Variants in MAML1 observed in about 807,000 individuals in gnomAD.
MAML1 encodes mastermind like transcriptional coactivator 1, also known as mastermind-like protein 1.
A neutral mutation model predicts 77.1 loss-of-function variants in MAML1; 14 were observed. The ratio of observed to expected loss-of-function variants is 0.18; its 90% CI spans 0.12 to 0.28. MAML1 has a LOEUF of 0.28. Among genes scored for constraint, MAML1 ranks in the 10% least tolerant of loss-of-function variants. MAML1 has a pLI of 1.00. For missense variants in MAML1, 1,217 were observed against 1,327.8 expected (o/e 0.92, Z 1.30); for synonymous variants, 516 against 551.9 (o/e 0.93, Z 0.91).
chr5:179,758,877 C>T (rs1377598640), intron 1 of MAML1, among the ~76,000 whole-genome samples: 2 of 152,100 alleles, frequency 1.3e-5, no homozygotes, highest in East Asian at 3.9e-4. Flanking sequence ...GTGGCGCACG[C>T]CTGTCATCCC....
intron 1 of MAML1, among the ~76,000 whole-genome samples, chr5:179,734,175 A>G (rs1360849085): frequency 6.6e-6 from 1 of 152,248 alleles, no homozygotes; most frequent in African/African-American, 2.4e-5. Context: ...CAGATTTACA[A>G]AAGAGACAAG....
At position 179,765,665 on chromosome 5, in the gene MAML1, G is replaced by A; in HGVS notation, c.655G>A (p.Glu219Lys). ...GAGCCTGAATAAAGAACTGAAGCAG[G>A]AGCCTGTCGAAGACCTGCCTTGCAT... The part of the protein sequence containing the change: ...PLSLNKELKQ[E>K]PVEDLPCMIT... Residue 219 changes from glutamate (E) to lysine (K), a missense_variant, in exon 2 of 5, where the codon GAG (glutamate) becomes AAG (lysine). By Grantham distance (56) the Glu-to-Lys change is moderately conservative (BLOSUM62 1). Around this residue, in one of 3 missense-constraint regions of MAML1, gnomAD observed 312 missense variants for 331.4 expected, o/e 0.94. Transcript: ENST00000292599. 1 of 1,614,190 alleles carries A rather than the reference G, an allele frequency of 6.2e-7. No homozygotes were observed. The highest frequency in any genetic ancestry group is 8.5e-7 in the Non-Finnish European group (1 of 1,180,042).
chr5:179,742,286 T>G (rs1021228688), intron 1 of MAML1, among the ~76,000 whole-genome samples: 1 of 151,270 alleles, frequency 6.6e-6, no homozygotes, highest in African/African-American at 2.4e-5. Flanking sequence ...GTCAGGAGTT[T>G]GAGACCAGTC....
chr5:179,769,174 G>A lies in MAML1; in HGVS notation c.1971+85G>A. ...TGCTACAGTCACACCTTCTGCTTGTGCGTGTGGATTTGCGCAGACTTGCGT... is the reference window on the plus strand; with the variant it reads ...TGCTACAGTCACACCTTCTGCTTGTACGTGTGGATTTGCGCAGACTTGCGT... On this transcript the variant is annotated intron_variant, in intron 3 of 4. Transcript: ENST00000292599. The surrounding 1 kb of genome is among the most constrained non-coding windows in gnomAD (Gnocchi z 4.2). 6.4e-7 allele frequency: 1 copy of A among 1,565,362 alleles called. No individual in the cohort carries two copies. The highest frequency in any genetic ancestry group is 8.7e-7 in the Non-Finnish European group (1 of 1,152,204).
chr5:179,761,952 G>A (rs920931108), intron 1 of MAML1, among the ~76,000 whole-genome samples: 2 of 152,184 alleles, frequency 1.3e-5, no homozygotes, highest in African/African-American at 4.8e-5. Context: ...GGAACTGGTG[G>A]AGTTTGGCTG....
At chr5:179,767,386 G>C (rs1372524617) in intron 2 of MAML1, among the ~76,000 whole-genome samples, 2 of 152,156 alleles carry the variant, frequency 1.3e-5, no homozygotes, top group Admixed American at 1.3e-4. Context: ...TGAGGAAATA[G>C]ACACACTCCT....
rs1032998854 is a variant in MAML1, at chr5:179,766,732, A to C, written c.1722A>C (p.Pro574=). ...PGNMPFRSLV[P]PGQEQNPSSV... ...ATATGCCTTTCCGATCACTGGTTCC[A>C]CCTGGCCAGGTAAGTATGAGCCTTT... is the stretch of plus-strand genomic sequence containing the variant. Residue 574 remains proline, a synonymous_variant, in exon 2 of 5, where the codon CCA becomes CCC. Coordinates refer to ENST00000292599, the MANE Select transcript of MAML1 (RefSeq NM_014757.5). This position sits in a 1 kb window ranked among gnomAD's most constrained non-coding sequence, Gnocchi z 4.0. 13 of 1,548,308 alleles carry C rather than the reference A, an allele frequency of 8.4e-6. No homozygotes were observed. In the African/African-American group the frequency reaches 1.8e-4, roughly 21 times the overall value.
chr5:179,774,296 C>G lies in MAML1; in HGVS notation c.2470C>G (p.Pro824Ala). The G allele has an allele frequency of 6.2e-7, 1 of 1,613,444 alleles. No individual in the cohort carries two copies. The highest frequency in any genetic ancestry group is 8.5e-7 in the Non-Finnish European group (1 of 1,180,018). ...CCTGAACCCTGGTTTAACAAAGCCA[C>G]CGGTCCCAAGGGTGTCACCAGCCAT... ...GTLNPGLTKPPVPRVSPAMGG... is the reference protein window; with the variant it reads ...GTLNPGLTKPAVPRVSPAMGG... The change falls in exon 5 of 5, where the codon CCG becomes GCG. Residue 824 changes from proline (P) to alanine (A), a missense_variant. Pro to Ala is a conservative substitution (Grantham distance 27). This residue lies in a region of MAML1 where 884 missense variants were observed against 949.3 expected (regional missense o/e 0.93). Coordinates refer to ENST00000292599, the MANE Select transcript of MAML1 (RefSeq NM_014757.5).
Position 179,766,840 on chromosome 5 carries a change from A to G in MAML1, c.1731+99A>G, listed in dbSNP as rs1369143447. 1.0e-6 allele frequency: 1 copy of G among 981,364 alleles called. No homozygotes were observed. The highest frequency in any genetic ancestry group is 1.5e-6 in the Non-Finnish European group (1 of 689,304). 60.8% of individuals were successfully genotyped at this position (981,364 alleles called of 1,614,324 possible). A position where few individuals can be genotyped will look rare whatever the true frequency, so the allele number is the denominator to read the frequency against. On this transcript the variant is annotated intron_variant, in intron 2 of 4. Transcript: ENST00000292599. The surrounding 1 kb of genome is among the most constrained non-coding windows in gnomAD (Gnocchi z 4.0). The stretch of plus-strand genomic sequence containing the variant: ...AATTGGATCCGAGGTAGTTGTGGGA[A>G]GAGGGAGGAGGGAATAGCTGCTGTC...
intron 3 of MAML1, chr5:179,770,913 A>G: frequency 2.4e-6 from 1 of 424,554 alleles, no homozygotes; most frequent in Non-Finnish European, 4.4e-6. Flanking sequence ...GCATTTTCCT[A>G]ACCAGCTCTC....
rs199996110 is a variant in MAML1, at chr5:179,765,910, G to A, written c.900G>A (p.Thr300=). Residue 300 remains threonine, a synonymous_variant, in exon 2 of 5, where the codon ACG becomes ACA. Transcript: ENST00000292599. Reference sequence around the variant, plus strand: ...TGGCACAGGACATTAATATTAAGACGGAATTCTCTCCAGCAGCCTTTGAGC... The same window carrying A: ...TGGCACAGGACATTAATATTAAGACAGAATTCTCTCCAGCAGCCTTTGAGC... ...TPLAQDINIK[T]EFSPAAFEQE... 74 of 1,614,036 alleles carry A rather than the reference G, an allele frequency of 4.6e-5. 1 individual carries two copies. Among genetic ancestry groups the A allele is most frequent in the South Asian group, 1.3e-4 (12 of 91,080 alleles).
chr5:179,757,797 A>C (rs1779650303), intron 1 of MAML1, among the ~76,000 whole-genome samples: 1 of 152,194 alleles, frequency 6.6e-6, no homozygotes. Flanking sequence ...CAAGCACAAG[A>C]ATCAATCTAT....
At position 179,733,374 on chromosome 5, in the gene MAML1, C is replaced by G; in HGVS notation, c.262C>G (p.Pro88Ala). The G allele has an allele frequency of 1.6e-6, 2 of 1,212,772 alleles. No individual in the cohort carries two copies. The highest frequency in any genetic ancestry group is 2.0e-6 in the Non-Finnish European group (2 of 980,542). 75.1% of individuals were successfully genotyped at this position (1,212,772 alleles called of 1,614,324 possible). A position where few individuals can be genotyped will look rare whatever the true frequency, so the allele number is the denominator to read the frequency against. ...CGCCACGGCCCCGGCGCCCGCCGCCCCGGCCCCGCGCCTGGACGCCGCTGA... is the reference window on the plus strand; with the variant it reads ...CGCCACGGCCCCGGCGCCCGCCGCCGCGGCCCCGCGCCTGGACGCCGCTGA... ...PAATAPAPAA[P>A]APRLDAADGP... Residue 88 changes from proline (P) to alanine (A), a missense_variant, in exon 1 of 5, where the codon CCG becomes GCG. Coordinates refer to ENST00000292599, the MANE Select transcript of MAML1 (RefSeq NM_014757.5).
chr5:179,742,347 G>A (rs1050875108), intron 1 of MAML1, among the ~76,000 whole-genome samples: 1 of 151,740 alleles, frequency 6.6e-6, no homozygotes, highest in Non-Finnish European at 1.5e-5. Flanking sequence ...AAATTAGCCG[G>A]ACGTGGTGGT....
rs1411873602 is a variant in MAML1, at chr5:179,766,681, G to T, written c.1671G>T (p.Leu557=). The change falls in exon 2 of 5, where the codon CTG becomes CTT. Residue 557 remains leucine, a synonymous_variant. Transcript: ENST00000292599. This position sits in a 1 kb window ranked among gnomAD's most constrained non-coding sequence, Gnocchi z 4.0. ...LSHISHEQNS[L]FLMKPKPGNM... is the part of the protein sequence containing the mutation. Reference sequence around the variant, plus strand: ...ATATAAGTCACGAGCAGAACTCCCTGTTTCTGATGAAGCCAAAGCCAGGAA... The same window carrying T: ...ATATAAGTCACGAGCAGAACTCCCTTTTTCTGATGAAGCCAAAGCCAGGAA... 1 of 1,596,252 alleles carries T rather than the reference G, an allele frequency of 6.3e-7. No individual in the cohort carries two copies. Among genetic ancestry groups the T allele is most frequent in the Non-Finnish European group, 8.5e-7 (1 of 1,170,522 alleles).
At chr5:179,753,068 T>C (rs1037413293) in intron 1 of MAML1, among the ~76,000 whole-genome samples, 1 of 152,188 alleles carries the variant, frequency 6.6e-6, no homozygotes, top group Non-Finnish European at 1.5e-5. Flanking sequence ...CCACAGCACC[T>C]GGCCCATCTG....
rs1756004046 is a variant in MAML1 at position 179,771,988 on chromosome 5, T to C, written c.2068+745T>C. 6.6e-6 allele frequency among the ~76,000 whole-genome samples: 1 copy of C among 152,114 alleles called. No homozygotes were observed. The highest frequency in any genetic ancestry group is 2.4e-5 in the African/African-American group (1 of 41,428). On this transcript the variant is annotated intron_variant, in intron 4 of 4. Transcript: ENST00000292599. This position sits in a 1 kb window ranked among gnomAD's most constrained non-coding sequence, Gnocchi z 4.7. ...TGTGCTACCTGGGGTCAACGTGGGG[T>C]TGAAATCTGCAGGCATTTCAGAAGC...
intron 1 of MAML1, among the ~76,000 whole-genome samples, chr5:179,751,987 G>C (rs1401830359): frequency 6.6e-6 from 1 of 150,722 alleles, no homozygotes; most frequent in East Asian, 2.0e-4. Context: ...GTGGGCAATA[G>C]AGTGAGACCT....
chr5:179,750,227 G>T (rs916817679), intron 1 of MAML1, among the ~76,000 whole-genome samples: 2 of 152,340 alleles, frequency 1.3e-5, no homozygotes, highest in Admixed American at 6.5e-5. Context: ...GTGGCCATGT[G>T]CTCTTATCTC....
Sources: allele counts gnomAD v4.1 joint callset (sites outside exome capture counted in the v4.1 genomes callset), GRCh38; gene constraint gnomAD v4.1.1; regional missense constraint gnomAD v4.1.1; non-coding constraint Gnocchi (gnomAD v3.1); transcripts MANE v1.5; gene names NCBI Gene and HGNC (gene_info 2026-07-23, HGNC 2026-07-21).